The following EFNA5 variants were observed in gnomAD, a reference collection of about 807,000 sequenced individuals.
EFNA5 encodes the protein ephrin A5, also known as ephrin-A5.
EFNA5 carries 5 observed loss-of-function variants against 22.9 expected under a neutral mutation model. The ratio of observed to expected loss-of-function variants is 0.22; its 90% CI spans 0.11 to 0.46. EFNA5 has a LOEUF of 0.46. Ranked by LOEUF, EFNA5 falls within the 20% of genes least tolerant of loss-of-function variation. The pLI is 0.99. For synonymous variants in EFNA5, 113 were observed against 112.2 expected, an observed-to-expected ratio of 1.01 and a Z score of -0.04; for missense variants, 237 against 293.3, an observed-to-expected ratio of 0.81 and a Z score of 1.40.
chr5:107,504,761 C>T (rs1308901380), intron 1 of EFNA5, among the ~76,000 whole-genome samples: 1 of 152,162 alleles, frequency 6.6e-6, no homozygotes, highest in Non-Finnish European at 1.5e-5. Context: ...CTTAAAAGGT[C>T]TGGCACATGT....
At chr5:107,454,556 T>C (rs1190680678) in intron 1 of EFNA5, among the ~76,000 whole-genome samples, 1 of 152,112 alleles carries the variant, frequency 6.6e-6, no homozygotes, top group South Asian at 2.1e-4. Context: ...TATTCCTACA[T>C]TAGAAAATTT....
At chr5:107,618,399 C>T (rs1428291903) in intron 1 of EFNA5, among the ~76,000 whole-genome samples, 2 of 152,156 alleles carry the variant, frequency 1.3e-5, no homozygotes, top group Non-Finnish European at 2.9e-5. Flanking sequence ...ATTGACAGCA[C>T]TTGAAAACAG....
At position 107,380,373 on chromosome 5, in the gene EFNA5, T is replaced by TAAAAAAAAAAAAAAA. The variant is rs1747407184; in HGVS notation, c.*881_*882insTTTTTTTTTTTTTTT. 7.2e-5 allele frequency: 3 copies of TAAAAAAAAAAAAAAA among 41,586 alleles called. 1 individual carries two copies. The highest frequency in any genetic ancestry group is 4.5e-5 in the Non-Finnish European group (1 of 22,308). The allele number at this position is 41,586 out of a possible 1,614,324, so 2.6% of individuals were successfully genotyped here. A position where few individuals can be genotyped will look rare whatever the true frequency, so the allele number is the denominator to read the frequency against. ...TCATAAAAATGCCTCTTTGAGTTTC[T>TAAAAAAAAAAAAAAA]TAAAAAAAAAAAAAAAAAAAAAAAA... On this transcript the variant is annotated 3_prime_UTR_variant, in exon 5 of 5. Coordinates refer to ENST00000333274, the MANE Select transcript of EFNA5 (RefSeq NM_001962.3).
intron 1 of EFNA5, among the ~76,000 whole-genome samples, chr5:107,481,957 G>C (rs1750478398): frequency 6.6e-6 from 1 of 152,006 alleles, no homozygotes; most frequent in African/African-American, 2.4e-5. Context: ...ACACTGTCTT[G>C]TGTAATCATA....
intron 1 of EFNA5, among the ~76,000 whole-genome samples, chr5:107,492,511 T>A (rs1185516888): frequency 2.6e-5 from 4 of 152,168 alleles, no homozygotes; most frequent in African/African-American, 9.7e-5. Context: ...TTCAAGTAAA[T>A]ACACATTATT....
chr5:107,655,024 A>T (rs913171427), intron 1 of EFNA5, among the ~76,000 whole-genome samples: 3 of 151,100 alleles, frequency 2.0e-5, no homozygotes, highest in Admixed American at 6.6e-5. Flanking sequence ...AAAAAAAAAA[A>T]TGCTGAGTAA....
intron 1 of EFNA5, among the ~76,000 whole-genome samples, chr5:107,575,368 T>C (rs1040629603): frequency 5.3e-5 from 8 of 152,214 alleles, no homozygotes; most frequent in African/African-American, 1.9e-4. Context: ...GGTTGTTTTG[T>C]GGTCATCAGG....
intron 1 of EFNA5, among the ~76,000 whole-genome samples, chr5:107,596,129 T>C (rs1480040657): frequency 6.6e-6 from 1 of 152,208 alleles, no homozygotes; most frequent in Non-Finnish European, 1.5e-5. Flanking sequence ...TTTCTTGTAT[T>C]ATTTTTTATT....
intron 1 of EFNA5, among the ~76,000 whole-genome samples, chr5:107,580,605 C>A (rs163962): frequency 1.3e-5 from 2 of 151,636 alleles, no homozygotes; most frequent in Non-Finnish European, 2.9e-5. Flanking sequence ...AGCCTGTAGT[C>A]CCAGCTACTC....
intron 1 of EFNA5, among the ~76,000 whole-genome samples, chr5:107,596,861 G>A (rs2112508768): frequency 6.6e-6 from 1 of 152,144 alleles, no homozygotes; most frequent in Non-Finnish European, 1.5e-5. Context: ...AACTGTAACA[G>A]TCCTAAAATG....
At chr5:107,642,927 C>A (rs569981264) in intron 1 of EFNA5, among the ~76,000 whole-genome samples, 1 of 125,760 alleles carries the variant, frequency 8.0e-6, no homozygotes, top group Non-Finnish European at 1.8e-5. Context: ...TGTCCATTTC[C>A]TCACCTGAAA....
intron 1 of EFNA5, among the ~76,000 whole-genome samples, chr5:107,593,293 A>C (rs900335522): frequency 6.6e-6 from 1 of 152,208 alleles, no homozygotes; most frequent in Non-Finnish European, 1.5e-5. Flanking sequence ...GCATCTGCCC[A>C]GCACAGGACC....
intron 1 of EFNA5, among the ~76,000 whole-genome samples, chr5:107,546,998 C>T (rs1476058806): frequency 6.6e-6 from 1 of 152,142 alleles, no homozygotes; most frequent in African/African-American, 2.4e-5. Flanking sequence ...CTTCTGTGCT[C>T]TCTGCAATGA....
At chr5:107,511,761 AAT>A (rs201825179) in intron 1 of EFNA5, among the ~76,000 whole-genome samples, 2 of 151,394 alleles carry the variant, frequency 1.3e-5, no homozygotes, top group African/African-American at 4.9e-5. Flanking sequence ...TCATAAAAAA[AAT>A]AGTTCTTATC....
chr5:107,428,981 T>A (rs1748877623), intron 1 of EFNA5, among the ~76,000 whole-genome samples: 2 of 152,240 alleles, frequency 1.3e-5, no homozygotes, highest in Admixed American at 6.5e-5. Context: ...AAATCTTGAT[T>A]CCCTTGGTTC....
intron 1 of EFNA5, among the ~76,000 whole-genome samples, chr5:107,431,794 C>A (rs1405869258): frequency 6.6e-6 from 1 of 152,190 alleles, no homozygotes. Context: ...CATCCAGGAT[C>A]TGCTATGGGC....
intron 1 of EFNA5, among the ~76,000 whole-genome samples, chr5:107,515,696 C>T (rs943380903): frequency 3.3e-5 from 5 of 151,972 alleles, no homozygotes; most frequent in Non-Finnish European, 7.4e-5. Flanking sequence ...TTTTAAAGTG[C>T]TCTGTTTTAT....
At position 107,427,006 on chromosome 5, in the gene EFNA5, C is replaced by T. The variant is rs146880143; in HGVS notation, c.418+211G>A. The T allele has an allele frequency of 3.1e-4, 181 of 577,582 alleles. 1 individual carries two copies. In the East Asian group the frequency reaches 4.2e-3, roughly 13 times the overall value. 35.8% of individuals were successfully genotyped at this position (577,582 alleles called of 1,614,324 possible). A position where few individuals can be genotyped will look rare whatever the true frequency, so the allele number is the denominator to read the frequency against. ...CAGTGGTTCAGTGAACAGGCTGACA[C>T]GTAATTTCATAGGGGGAGACGCGCT... On this transcript the variant is annotated intron_variant, in intron 2 of 4. Transcript: ENST00000333274.
At chr5:107,475,366 G>A (rs948517006) in intron 1 of EFNA5, among the ~76,000 whole-genome samples, 3 of 152,148 alleles carry the variant, frequency 2.0e-5, no homozygotes, top group Non-Finnish European at 4.4e-5. Flanking sequence ...AGTGTGAAAC[G>A]GCAGATGGTT....
Sources: gnomAD v4.1 joint callset for allele counts (sites outside exome capture counted in the v4.1 genomes callset) on GRCh38, gnomAD v4.1.1 for gene constraint, MANE v1.5 for transcripts, NCBI Gene and HGNC (gene_info 2026-07-23, HGNC 2026-07-21) for gene names.